RBM19: variants seen among roughly 807,000 people sequenced by gnomAD.
RBM19 encodes probable RNA-binding protein 19.
RBM19 carries 94 observed loss-of-function variants against 116.8 expected under a neutral mutation model. The ratio of observed to expected loss-of-function variants is 0.80; its 90% CI spans 0.68 to 0.95. The LOEUF (loss-of-function observed/expected upper bound fraction) is 0.95. RBM19 is among the 40% of genes least tolerant of loss of function. RBM19 has a pLI of 0.00. For synonymous variants in RBM19, 475 were observed against 494.1 expected (o/e 0.96, Z 0.51); for missense variants, 1,161 against 1,220.7 (o/e 0.95, Z 0.73).
At chr12:113,826,196 T>C (rs115970884) in intron 23 of RBM19, among the ~76,000 whole-genome samples, 2,735 of 152,326 alleles carry the variant, frequency 0.018, 90 homozygotes, top group African/African-American at 0.063. Flanking sequence ...TGCCCTGATG[T>C]ACACTTCCTA....
Position 113,822,861 on chromosome 12 carries a change from G to A in RBM19, c.*363C>T, listed in dbSNP as rs555361677. 10 of 178,126 alleles carry A rather than the reference G, an allele frequency of 5.6e-5. No individual in the cohort carries two copies. Among genetic ancestry groups the A allele is most frequent in the African/African-American group, 7.1e-5 (3 of 42,350 alleles). 11.0% of individuals were successfully genotyped at this position (178,126 alleles called of 1,614,324 possible). On this transcript the variant is annotated 3_prime_UTR_variant, in exon 24 of 24. Transcript: ENST00000261741. The stretch of plus-strand genomic sequence containing the variant: ...GCCTGATGCCAGAGAGCTGGCCCTC[G>A]TCCCCTTACTCTCCTGGGGTGGGGA...
At chr12:113,892,012 G>A (rs573802678) in intron 21 of RBM19, among the ~76,000 whole-genome samples, 1 of 152,176 alleles carries the variant, frequency 6.6e-6, no homozygotes, top group East Asian at 1.9e-4. Flanking sequence ...TGTCACCCGT[G>A]TCTACTTTAA....
intron 4 of RBM19, among the ~76,000 whole-genome samples, 188 bp downstream of exon 4, chr12:113,959,677 T>TCCTCTCCAGCCTCCTC (rs200519047): frequency 0.042 from 6,309 of 151,992 alleles, 333 homozygotes; most frequent in Admixed American, 0.15. Flanking sequence ...CCAGCCTCCA[T>TCCTCTCCAGCCTCCTC]CCTCTCCAGC....
intron 22 of RBM19, among the ~76,000 whole-genome samples, chr12:113,854,368 A>G (rs1426457409): frequency 6.6e-6 from 1 of 152,152 alleles, no homozygotes; most frequent in Non-Finnish European, 1.5e-5. Flanking sequence ...CACAACTGAC[A>G]GCCGTGCACA....
intron 16 of RBM19, 28 bp from the exon 17 acceptor site, chr12:113,927,257 A>G: frequency 1.3e-6 from 2 of 1,539,102 alleles, no homozygotes; most frequent in Non-Finnish European, 8.7e-7. Context: ...CAAAAACAAA[A>G]ACAAAAACAT....
At chr12:113,836,612 G>C (rs556844376) in intron 23 of RBM19, among the ~76,000 whole-genome samples, 1 of 152,176 alleles carries the variant, frequency 6.6e-6, no homozygotes, top group South Asian at 2.1e-4. Flanking sequence ...AACTGACTTG[G>C]AAGGCAGGAC....
rs76381389 is a variant in RBM19, at chr12:113,902,256, C to G, written c.2558+12713G>C. Among the ~76,000 whole-genome samples, 750 of 152,266 alleles carry G rather than the reference C, an allele frequency of 4.9e-3. 7 individuals carry two copies. The highest frequency in any genetic ancestry group is 0.017 in the African/African-American group (706 of 41,558). On this transcript the variant is annotated intron_variant, in intron 21 of 23. Transcript: ENST00000261741. The stretch of plus-strand genomic sequence containing the variant: ...ACCCCCTAAGCTACCTTTTGATAGA[C>G]ACAGGCACCTCCCTCCCTCCTGCCT...
rs1299399691 is a variant in RBM19, at chr12:113,960,176, C to T, written c.222G>A (p.Val74=). Residue 74 remains valine, a splice_region_variant and synonymous_variant, in exon 3 of 24, where the codon GTG becomes GTA. Coordinates refer to ENST00000261741, the MANE Select transcript of RBM19 (RefSeq NM_016196.4). ...GGTCCCCGAATGACTTGCAGAACTC[C>T]ACCTGTGTGGGAAAGAGAGTGATTT... The part of the protein sequence containing the change: ...KSFIDTSRIT[V]EFCKSFGDPA... The T allele has an allele frequency of 6.2e-7, 1 of 1,613,464 alleles. No homozygotes were observed. The highest frequency in any genetic ancestry group is 8.5e-7 in the Non-Finnish European group (1 of 1,179,998).
chr12:113,940,304 G>C, intron 14 of RBM19, 144 bp from the exon 15 acceptor site: 1 of 812,308 alleles, frequency 1.2e-6, no homozygotes, highest in South Asian at 1.7e-5. Flanking sequence ...GACCCAGGAG[G>C]AACGACCCTC....
chr12:113,900,746 G>A (rs577466616), intron 21 of RBM19, among the ~76,000 whole-genome samples: 2 of 152,218 alleles, frequency 1.3e-5, no homozygotes, highest in South Asian at 2.1e-4. Flanking sequence ...TGTCCTCTGA[G>A]CAAGTGGCAC....
chr12:113,932,399 T>A (rs762119668), intron 16 of RBM19, among the ~76,000 whole-genome samples: 2 of 152,152 alleles, frequency 1.3e-5, no homozygotes, highest in Non-Finnish European at 2.9e-5. Context: ...GAGAGAGAAA[T>A]CCAGGGGAAA....
At chr12:113,822,054 T>G (rs1043815991), downstream of RBM19, 3 of 152,248 alleles carry the variant, frequency 2.0e-5, no homozygotes, top group Non-Finnish European at 4.4e-5. Context: ...AAAACAAAAG[T>G]GCTGATGAGA....
intron 21 of RBM19, among the ~76,000 whole-genome samples, chr12:113,864,424 C>T (rs1878656056): frequency 6.6e-6 from 1 of 152,194 alleles, no homozygotes; most frequent in South Asian, 2.1e-4. Context: ...AGGTATAGAG[C>T]TGAGGATGCC....
At chr12:113,834,698 A>C (rs1026068607) in intron 23 of RBM19, among the ~76,000 whole-genome samples, 1 of 152,168 alleles carries the variant, frequency 6.6e-6, no homozygotes, top group African/African-American at 2.4e-5. Flanking sequence ...AGATCCAATA[A>C]AGAGAGGGCA....
In RBM19 at chr12:113,841,546, C is replaced by T. The variant is rs370518926; in HGVS notation, c.2785+3122G>A. On this transcript the variant is annotated intron_variant, in intron 23 of 23. Transcript: ENST00000261741. ...TCAAGTGCTTCTCCTGCCTCAGCCT[C>T]CCAAGTAGCTGGGACTATAGGCATG... is the stretch of plus-strand genomic sequence containing the variant. Among the ~76,000 whole-genome samples, 24 of 151,882 alleles carry T rather than the reference C, an allele frequency of 1.6e-4. No homozygotes were observed. In the South Asian group the frequency reaches 1.7e-3, roughly 11 times the overall value.
intron 13 of RBM19, among the ~76,000 whole-genome samples, chr12:113,943,914 T>G (rs1315200982): frequency 3.9e-5 from 6 of 152,052 alleles, no homozygotes; most frequent in African/African-American, 1.2e-4. Flanking sequence ...CTTTTAAACA[T>G]GTGGCCACTA....
rs555879811 is a variant in RBM19, at chr12:113,839,944, G to A, written c.2785+4724C>T. Among the ~76,000 whole-genome samples, 19 of 152,200 alleles carry A rather than the reference G, an allele frequency of 1.2e-4. 1 individual carries two copies. The South Asian group carries it at 3.7e-3, about 30-fold the overall frequency. ...GGTTCCTAAACCTTTTGGGGCCCAT[G>A]ACCTCCTAGAAATCTGATGAAAACA... On this transcript the variant is annotated intron_variant, in intron 23 of 23. Coordinates refer to ENST00000261741, the MANE Select transcript of RBM19 (RefSeq NM_016196.4).
chr12:113,959,965 T>G (rs1236753007), intron 3 of RBM19, 62 bp from the exon 4 acceptor site: 3 of 1,613,370 alleles, frequency 1.9e-6, no homozygotes, highest in Non-Finnish European at 1.7e-6. Context: ...GAAACAGAAC[T>G]GCACTGACCT....
intron 21 of RBM19, among the ~76,000 whole-genome samples, chr12:113,911,943 C>T (rs1250837618): frequency 6.6e-6 from 1 of 152,208 alleles, no homozygotes; most frequent in African/African-American, 2.4e-5. Context: ...AGACGAGAAT[C>T]GCTGTCTGCA....
Sources: allele counts gnomAD v4.1 joint callset (sites outside exome capture counted in the v4.1 genomes callset), GRCh38; gene constraint gnomAD v4.1.1; transcripts MANE v1.5; gene names NCBI Gene and HGNC (gene_info 2026-07-23, HGNC 2026-07-21).